Variants in KLHL10 observed in about 807,000 individuals in gnomAD.
KLHL10 encodes the protein kelch-like protein 10.
A neutral mutation model predicts 46.6 loss-of-function variants in KLHL10; 11 were observed. The ratio of observed to expected loss-of-function variants is 0.24; its 90% CI spans 0.15 to 0.39. KLHL10 has a LOEUF of 0.39. Among genes scored for constraint, KLHL10 ranks in the 10% least tolerant of loss-of-function variants. The pLI is 1.00. For synonymous variants in KLHL10, 254 were observed against 279.1 expected, an observed-to-expected ratio of 0.91 and a Z score of 0.90; for missense variants, 475 against 789.8, an observed-to-expected ratio of 0.60 and a Z score of 4.78.
Position 41,838,130 on chromosome 17 carries a change from T to C in KLHL10, c.194+4T>C, listed in dbSNP as rs561691615. On this transcript the variant is annotated splice_donor_region_variant and intron_variant, in intron 1 of 4. Coordinates refer to ENST00000293303, the MANE Select transcript of KLHL10 (RefSeq NM_152467.5). ...GTAGCTGCAGTTCCTACTTTAGGTA[T>C]AACAGGGTTGCCAAATTCAGCCAAA... is the stretch of plus-strand genomic sequence containing the variant. The C allele has an allele frequency of 2.5e-6, 4 of 1,613,536 alleles. No individual in the cohort carries two copies. Among genetic ancestry groups the C allele is most frequent in the Admixed American group, 3.3e-5 (2 of 60,016 alleles).
intron 1 of KLHL10, 139 bp downstream of exon 1, chr17:41,838,265 A>C (rs2048189872): frequency 2.6e-6 from 2 of 783,174 alleles, no homozygotes; most frequent in Non-Finnish European, 4.2e-6. Context: ...AAATTAAAAA[A>C]AAATTTTTTT....
Position 41,839,074 on chromosome 17 carries a change from C to T in KLHL10, c.194+948C>T, listed in dbSNP as rs527857239. Among the ~76,000 whole-genome samples the T allele has an allele frequency of 9.8e-5, 15 of 152,288 alleles. No individual in the cohort carries two copies. In the South Asian group the frequency reaches 2.5e-3, roughly 25 times the overall value. ...TGGCGTGATCTCGGCTCACTGCAAC[C>T]GCTGCCTCCCAGGCTCAAGCGATTC... On this transcript the variant is annotated intron_variant, in intron 1 of 4. Transcript: ENST00000293303.
In KLHL10 at chr17:41,841,925, C is replaced by G; in HGVS notation, c.297C>G (p.Thr99=). 1 of 1,614,156 alleles carries G rather than the reference C, an allele frequency of 6.2e-7. No homozygotes were observed. Among genetic ancestry groups the G allele is most frequent in the East Asian group, 2.2e-5 (1 of 44,890 alleles). Residue 99 remains threonine, a synonymous_variant, in exon 2 of 5, where the codon ACC becomes ACG. Transcript: ENST00000293303. ...MMKLIIEYAY[T]RTVPITPDNV... ...AGCTAATCATTGAGTATGCATACAC[C>G]CGGACCGTGCCTATCACACCGGACA... is the stretch of plus-strand genomic sequence containing the variant.
upstream of KLHL10, chr17:41,837,710 G>T: frequency 7.8e-7 from 1 of 1,273,978 alleles, no homozygotes; most frequent in Non-Finnish European, 1.0e-6. Flanking sequence ...GGGTGGTAAG[G>T]AGGGGAGAAG....
At chr17:41,836,278 C>CG, upstream of KLHL10, 1 of 818,724 alleles carries the variant, frequency 1.2e-6, no homozygotes, top group Non-Finnish European at 1.4e-6. Context: ...GCCTGGAGCC[C>CG]GGGCGGGGGT....
upstream of KLHL10, chr17:41,836,230 G>T (rs1054747418): frequency 6.8e-6 from 8 of 1,173,882 alleles, no homozygotes; most frequent in Admixed American, 4.6e-5. Context: ...GCGGGACAAC[G>T]ACAGCCCCGC....
At chr17:41,844,252 T>C (rs1178054611) in intron 2 of KLHL10, among the ~76,000 whole-genome samples, 2 of 144,528 alleles carry the variant, frequency 1.4e-5, no homozygotes, top group Admixed American at 6.9e-5. Context: ...TTTTTTTGAG[T>C]TGGAGTCTAG....
chr17:41,842,792 C>T (rs535207703), intron 2 of KLHL10, among the ~76,000 whole-genome samples: 14 of 151,778 alleles, frequency 9.2e-5, no homozygotes, highest in African/African-American at 3.1e-4. Context: ...CAAAAATTAG[C>T]TGGGCATGGT....
intron 4 of KLHL10, 148 bp from the exon 5 acceptor site, chr17:41,847,785 G>A (rs1052055388): frequency 1.2e-5 from 13 of 1,052,252 alleles, no homozygotes; most frequent in African/African-American, 9.3e-5. Context: ...GATTACAGGC[G>A]TGAGCCACTG....
upstream of KLHL10, chr17:41,837,633 G>A (rs2048179166): frequency 2.6e-6 from 3 of 1,138,532 alleles, no homozygotes; most frequent in African/African-American, 3.2e-5. Context: ...GATGGTGCTA[G>A]TGGTCATGGT....
At chr17:41,836,970 G>A (rs9896980), upstream of KLHL10, among the ~76,000 whole-genome samples, 115,253 of 152,094 alleles carry the variant, frequency 0.76, 43,935 homozygotes, top group Admixed American at 0.84. Flanking sequence ...CCCATCCAGC[G>A]GGCTGGGAGA....
intron 1 of KLHL10, among the ~76,000 whole-genome samples, chr17:41,840,045 G>C (rs534041529): frequency 1.9e-4 from 29 of 152,138 alleles, no homozygotes; most frequent in African/African-American, 6.7e-4. Context: ...TGGCCAGGCT[G>C]GTCTTGAACT....
chr17:41,835,761 G>C (rs1224346630), upstream of KLHL10: 14 of 1,217,144 alleles, frequency 1.2e-5, no homozygotes, highest in Non-Finnish European at 1.7e-5. Context: ...CAGAGAGCTA[G>C]GAGGGGTCCG....
Position 41,845,159 on chromosome 17 carries a change from A to G in KLHL10, c.718A>G (p.Met240Val), listed in dbSNP as rs782443140. Reference protein sequence around the residue: ...RLALMHAEYFMNNVKMNDYVK... With the variant: ...RLALMHAEYFVNNVKMNDYVK... ...GGCCCTAATGCATGCTGAGTACTTC[A>G]TGAACAATGTTAAGATGAATGACTA... Residue 240 changes from methionine (M) to valine (V), a missense_variant, in exon 3 of 5, where the codon ATG becomes GTG. Transcript: ENST00000293303. 3 of 1,614,222 alleles carry G rather than the reference A, an allele frequency of 1.9e-6. No homozygotes were observed. Among genetic ancestry groups the G allele is most frequent in the South Asian group, 2.2e-5 (2 of 91,080 alleles).
In KLHL10 at chr17:41,845,644, C is replaced by T. The variant is rs368599949; in HGVS notation, c.1203C>T (p.Asn401=). 3.1e-6 allele frequency: 5 copies of T among 1,612,504 alleles called. No individual in the cohort carries two copies. Among genetic ancestry groups the T allele is most frequent in the Admixed American group, 1.7e-5 (1 of 59,918 alleles). ...MGGFDGYVRL[N]TAERYEPETN... ...GATTTGATGGCTACGTGCGTCTAAA[C>T]ACTGCTGAACGTTATGAGCCAGAGA... is the stretch of plus-strand genomic sequence containing the variant. Residue 401 remains asparagine (N), a synonymous_variant, in exon 3 of 5, where the codon AAC becomes AAT. Coordinates refer to ENST00000293303, the MANE Select transcript of KLHL10 (RefSeq NM_152467.5).
intron 1 of KLHL10, among the ~76,000 whole-genome samples, chr17:41,838,901 C>CTGGT (rs2048198668): frequency 6.6e-6 from 1 of 152,026 alleles, no homozygotes. Flanking sequence ...GTCGCTCAGG[C>CTGGT]TGGTCTCAAA....
chr17:41,847,523 T>C, intron 4 of KLHL10, 113 bp downstream of exon 4: 1 of 1,169,992 alleles, frequency 8.5e-7, no homozygotes, highest in Non-Finnish European at 1.2e-6. Context: ...TTTTTTTTTT[T>C]GAGATGGAGT....
At chr17:41,844,542 A>T (rs1230500834) in intron 2 of KLHL10, among the ~76,000 whole-genome samples, 50 of 115,324 alleles carry the variant, frequency 4.3e-4, no homozygotes, top group African/African-American at 1.1e-3. Context: ...TGGTTTTTGT[A>T]TTTTTTTTTT....
intron 2 of KLHL10, 44 bp downstream of exon 2, chr17:41,842,356 T>C: frequency 1.2e-6 from 2 of 1,612,038 alleles, no homozygotes; most frequent in Non-Finnish European, 1.7e-6. Flanking sequence ...GAGATTGTCC[T>C]AAAAGCAAAA....
Sources: gnomAD v4.1 joint callset for allele counts (sites outside exome capture counted in the v4.1 genomes callset) on GRCh38, gnomAD v4.1.1 for gene constraint, MANE v1.5 for transcripts, NCBI Gene and HGNC (gene_info 2026-07-23, HGNC 2026-07-21) for gene names.